Variants in TTLL11 observed in about 807,000 individuals in gnomAD.
TTLL11 encodes the protein tubulin polyglutamylase TTLL11.
In TTLL11, 42 loss-of-function variants were observed where a neutral mutation model predicts 51.7. That is an observed-to-expected ratio of 0.81 (90% confidence interval 0.64 to 1.05). The LOEUF is 1.05. Ranked by LOEUF, TTLL11 falls within the 50% of genes least tolerant of loss-of-function variation. The probability of loss-of-function intolerance (pLI) is 0.00; values close to 1 mark genes in which losing one functional copy is unlikely to be tolerated. For synonymous variants in TTLL11, 381 were observed against 383.5 expected (o/e 0.99, Z 0.08); for missense variants, 799 against 940.4 (o/e 0.85, Z 1.97).
At chr9:121,876,086 A>G (rs1838552081) in intron 6 of TTLL11, among the ~76,000 whole-genome samples, 1 of 152,230 alleles carries the variant, frequency 6.6e-6, no homozygotes, top group Non-Finnish European at 1.5e-5. Context: ...AGATTAGGAA[A>G]CAGGCCCAGA....
intron 8 of TTLL11, among the ~76,000 whole-genome samples, chr9:121,835,651 A>G (rs1192684204): frequency 1.3e-5 from 2 of 152,238 alleles, no homozygotes; most frequent in African/African-American, 4.8e-5. Flanking sequence ...AATAACAAAC[A>G]TAATCAAAGG....
chr9:121,857,755 T>C (rs1837872516), intron 8 of TTLL11, among the ~76,000 whole-genome samples: 1 of 152,172 alleles, frequency 6.6e-6, no homozygotes, highest in Non-Finnish European at 1.5e-5. Flanking sequence ...TCACCGGAGC[T>C]TGAATTGCGG....
chr9:122,083,986 C>A (rs1846059329), intron 1 of TTLL11, among the ~76,000 whole-genome samples: 1 of 152,102 alleles, frequency 6.6e-6, no homozygotes. Flanking sequence ...TATATTATTT[C>A]TGGAATTGGA....
chr9:121,823,064 G>T (rs1367318820), intron 8 of TTLL11, among the ~76,000 whole-genome samples, 185 bp from the exon 9 acceptor site: 3 of 152,240 alleles, frequency 2.0e-5, no homozygotes, highest in African/African-American at 7.2e-5. Flanking sequence ...CCAGGCACTA[G>T]CTGGGCATTT....
chr9:122,004,812 C>T (rs150725156), intron 3 of TTLL11, among the ~76,000 whole-genome samples: 1 of 152,310 alleles, frequency 6.6e-6, no homozygotes, highest in Non-Finnish European at 1.5e-5. Context: ...GGGCAGTGAG[C>T]CTCAGTGTAC....
Position 121,870,496 on chromosome 9 carries a change from C to A in TTLL11, c.1733+1G>T, listed in dbSNP as rs1217071287. ...AGCCAGAGGGGGCTGTTCTCACTGA[C>A]CTTATGAAGGTACGAAAGCCTGTTG... On this transcript the variant is annotated splice_donor_variant, in intron 7 of 8. Transcript: ENST00000321582. LOFTEE classifies it high-confidence loss of function. 7.1e-6 allele frequency: 11 copies of A among 1,551,172 alleles called. No homozygotes were observed.
At chr9:121,950,563 TG>T (rs1392406364) in intron 6 of TTLL11, among the ~76,000 whole-genome samples, 1 of 152,152 alleles carries the variant, frequency 6.6e-6, no homozygotes, top group Non-Finnish European at 1.5e-5. Flanking sequence ...GGCCAGCAGG[TG>T]CCACAGGGGT....
intron 7 of TTLL11, among the ~76,000 whole-genome samples, chr9:121,870,005 A>G (rs1838302544): frequency 6.6e-6 from 1 of 152,202 alleles, no homozygotes; most frequent in East Asian, 1.9e-4. Flanking sequence ...ATTACACTCT[A>G]TAATATGGCC....
intron 1 of TTLL11, among the ~76,000 whole-genome samples, chr9:122,051,550 C>T (rs932444299): frequency 1.3e-5 from 2 of 152,184 alleles, no homozygotes; most frequent in Non-Finnish European, 2.9e-5. Flanking sequence ...GGACCCAAAA[C>T]CCAACACACC....
chr9:121,986,367 T>C (rs1178389830), intron 4 of TTLL11, among the ~76,000 whole-genome samples: 2 of 152,202 alleles, frequency 1.3e-5, no homozygotes, highest in Non-Finnish European at 2.9e-5. Context: ...AGTCCTAGAA[T>C]AGCTGTCATT....
intron 1 of TTLL11, among the ~76,000 whole-genome samples, chr9:122,075,940 A>G (rs555568846): frequency 2.6e-5 from 4 of 151,892 alleles, no homozygotes; most frequent in Admixed American, 2.6e-4. Flanking sequence ...TAGAAGGTAG[A>G]AAAAAAAATC....
chr9:122,078,202 A>G (rs373506617), intron 1 of TTLL11, among the ~76,000 whole-genome samples: 42 of 152,220 alleles, frequency 2.8e-4, no homozygotes, highest in African/African-American at 9.4e-4. Context: ...GAAGTAATAA[A>G]GAGCAGCAAG....
intron 4 of TTLL11, among the ~76,000 whole-genome samples, chr9:121,980,371 C>G (rs1160059517): frequency 3.3e-5 from 5 of 152,198 alleles, no homozygotes; most frequent in Non-Finnish European, 7.3e-5. Flanking sequence ...TTACCTCTTT[C>G]ATAGTAAGGA....
intron 3 of TTLL11, among the ~76,000 whole-genome samples, chr9:122,010,607 C>T (rs1467046947): frequency 6.6e-6 from 1 of 152,226 alleles, no homozygotes; most frequent in African/African-American, 2.4e-5. Flanking sequence ...GGAGGGACAT[C>T]TAACCATTAG....
chr9:121,843,545 A>G (rs1837423900), intron 8 of TTLL11, among the ~76,000 whole-genome samples: 1 of 152,162 alleles, frequency 6.6e-6, no homozygotes, highest in South Asian at 2.1e-4. Flanking sequence ...CAAGAAAAAG[A>G]TTAGAGAAAA....
At chr9:121,833,322 CA>C in intron 8 of TTLL11, among the ~76,000 whole-genome samples, 1 of 152,254 alleles carries the variant, frequency 6.6e-6, no homozygotes, top group South Asian at 2.1e-4. Context: ...CTCATTCTGT[CA>C]ATAGGCTGGG....
Position 122,031,762 on chromosome 9 carries a change from T to G in TTLL11, c.654A>C (p.Ser218=). ...GCTGGAACTCGTCAGGCAGAATCCA[T>G]GAGCGAGGGTAGAAGTTGTACTCCT... The part of the protein sequence containing the change: ...FPEEYNFYPR[S]WILPDEFQLF... Residue 218 remains serine (S), a synonymous_variant, in exon 3 of 9, where the codon TCA becomes TCC. Transcript: ENST00000321582. 3.1e-6 allele frequency: 5 copies of G among 1,613,390 alleles called. No individual in the cohort carries two copies. Among genetic ancestry groups the G allele is most frequent in the Non-Finnish European group, 4.2e-6 (5 of 1,180,024 alleles).
intron 3 of TTLL11, among the ~76,000 whole-genome samples, chr9:122,018,384 T>C (rs1322610015): frequency 2.0e-5 from 3 of 152,136 alleles, no homozygotes; most frequent in African/African-American, 7.2e-5. Flanking sequence ...AGTGCTGGGA[T>C]TACAGGCATG....
chr9:121,880,876 G>A (rs1364531567), intron 6 of TTLL11, among the ~76,000 whole-genome samples: 1 of 152,354 alleles, frequency 6.6e-6, no homozygotes, highest in African/African-American at 2.4e-5. Context: ...CCTAAGCGAG[G>A]AGGCTGGGAT....
Sources: gnomAD v4.1 joint callset for allele counts (sites outside exome capture counted in the v4.1 genomes callset) on GRCh38, gnomAD v4.1.1 for gene constraint, MANE v1.5 for transcripts, NCBI Gene and HGNC (gene_info 2026-07-23, HGNC 2026-07-21) for gene names.